Variants in MOB3B observed in about 807,000 individuals in gnomAD.
MOB3B encodes MOB kinase activator 3B.
A neutral mutation model predicts 18.7 loss-of-function variants in MOB3B; 7 were observed. The ratio of observed to expected loss-of-function variants is 0.37; its 90% CI spans 0.21 to 0.70. The LOEUF is 0.70. MOB3B is among the 30% of genes least tolerant of loss of function. The pLI is 0.52. For synonymous variants in MOB3B, 111 were observed against 99.9 expected (o/e 1.11, Z -0.66); for missense variants, 253 against 281.3 (o/e 0.90, Z 0.72).
At chr9:27,515,909 G>C (rs1358048347) in intron 1 of MOB3B, among the ~76,000 whole-genome samples, 8 of 152,184 alleles carry the variant, frequency 5.3e-5, no homozygotes. Context: ...AAAAGACTTT[G>C]CAAATGTAAT....
intron 2 of MOB3B, among the ~76,000 whole-genome samples, chr9:27,411,633 G>C (rs554018759): frequency 6.6e-6 from 1 of 152,144 alleles, no homozygotes. Flanking sequence ...TCACATGTGA[G>C]GAATGCCAAG....
intron 1 of MOB3B, among the ~76,000 whole-genome samples, chr9:27,523,009 A>G (rs940067044): frequency 6.6e-6 from 1 of 152,136 alleles, no homozygotes; most frequent in Non-Finnish European, 1.5e-5. Context: ...GGTGCAGTCA[A>G]CTGATTTAGA....
chr9:27,504,402 G>A (rs995171303), intron 1 of MOB3B, among the ~76,000 whole-genome samples: 1 of 152,190 alleles, frequency 6.6e-6, no homozygotes, highest in Admixed American at 6.5e-5. Flanking sequence ...AGATATTATA[G>A]TAGTAACTGA....
intron 2 of MOB3B, among the ~76,000 whole-genome samples, chr9:27,412,624 T>G (rs1822087671): frequency 1.3e-5 from 2 of 152,230 alleles, no homozygotes; most frequent in South Asian, 4.1e-4. Flanking sequence ...GCAAGTCTTC[T>G]GAATTTACAG....
intron 2 of MOB3B, among the ~76,000 whole-genome samples, chr9:27,383,990 A>T (rs1306272872): frequency 1.3e-5 from 2 of 152,240 alleles, no homozygotes; most frequent in African/African-American, 4.8e-5. Context: ...CCTGGTATAG[A>T]TAAGCATTAT....
intron 1 of MOB3B, among the ~76,000 whole-genome samples, chr9:27,528,256 T>A (rs1820467405): frequency 6.6e-6 from 1 of 152,206 alleles, no homozygotes; most frequent in Admixed American, 6.5e-5. Flanking sequence ...AATCTCAGCT[T>A]TCCGCCTACC....
chr9:27,399,729 C>T (rs978283858), intron 2 of MOB3B, among the ~76,000 whole-genome samples: 2 of 152,186 alleles, frequency 1.3e-5, no homozygotes, highest in African/African-American at 2.4e-5. Flanking sequence ...TTCCAAGCCT[C>T]AGACTCCTTT....
chr9:27,389,944 T>TA (rs555052646), intron 2 of MOB3B, among the ~76,000 whole-genome samples: 130 of 151,992 alleles, frequency 8.6e-4, no homozygotes, highest in African/African-American at 3.0e-3. Context: ...AAGCATCTGC[T>TA]AAAAAAATAA....
intron 2 of MOB3B, among the ~76,000 whole-genome samples, chr9:27,387,532 T>TTA (rs1383610262): frequency 6.6e-6 from 1 of 152,216 alleles, no homozygotes; most frequent in Non-Finnish European, 1.5e-5. Context: ...ATGTTAAAAA[T>TTA]ATTTAGACTA....
At chr9:27,485,529 T>C (rs1819718879) in intron 1 of MOB3B, among the ~76,000 whole-genome samples, 1 of 152,248 alleles carries the variant, frequency 6.6e-6, no homozygotes, top group Non-Finnish European at 1.5e-5. Context: ...GTCTCTGGAA[T>C]GTCTCCAATA....
chr9:27,457,581 G>T (rs1439155795), intron 1 of MOB3B, among the ~76,000 whole-genome samples: 2 of 151,950 alleles, frequency 1.3e-5, no homozygotes, highest in African/African-American at 4.8e-5. Flanking sequence ...TGGAATCCCC[G>T]CCCCACCCCC....
At chr9:27,473,257 C>T (rs770497992) in intron 1 of MOB3B, among the ~76,000 whole-genome samples, 10 of 152,198 alleles carry the variant, frequency 6.6e-5, no homozygotes, top group East Asian at 1.9e-4. Flanking sequence ...ATAAAGTACA[C>T]GTTTTTCTCA....
rs1453801299 is a variant in MOB3B at position 27,328,950 on chromosome 9, C to T, written c.*1637G>A. ...TGGTGAGGTAGCAGCAATTGGATTC[C>T]GTGAGATGACCTTTACGAGACACAA... On this transcript the variant is annotated 3_prime_UTR_variant, in exon 4 of 4. Transcript: ENST00000262244. 2.0e-5 allele frequency: 3 copies of T among 152,640 alleles called. No individual in the cohort carries two copies. Among genetic ancestry groups the T allele is most frequent in the Admixed American group, 6.5e-5 (1 of 15,286 alleles). 9.5% of individuals were successfully genotyped at this position (152,640 alleles called of 1,614,324 possible). A position where few individuals can be genotyped will look rare whatever the true frequency, so the allele number is the denominator to read the frequency against.
chr9:27,524,100 CA>C (rs1820385936), intron 1 of MOB3B, among the ~76,000 whole-genome samples: 1 of 117,316 alleles, frequency 8.5e-6, no homozygotes. Flanking sequence ...GCTCATTTTT[CA>C]GGGAAAAAAA....
intron 1 of MOB3B, among the ~76,000 whole-genome samples, chr9:27,470,972 T>C (rs536213581): frequency 1.3e-5 from 2 of 152,246 alleles, no homozygotes; most frequent in South Asian, 2.1e-4. Flanking sequence ...TAGAAGGTGG[T>C]GGCTGCTGAA....
intron 1 of MOB3B, among the ~76,000 whole-genome samples, chr9:27,457,691 G>GTT (rs34394960): frequency 6.7e-6 from 1 of 149,510 alleles, no homozygotes; most frequent in Non-Finnish European, 1.5e-5. Flanking sequence ...CGCAAGGTGG[G>GTT]TTTTTTTTTT....
chr9:27,508,542 C>T (rs1446043830), intron 1 of MOB3B, among the ~76,000 whole-genome samples: 1 of 152,016 alleles, frequency 6.6e-6, no homozygotes, highest in Non-Finnish European at 1.5e-5. Flanking sequence ...GAAATTAAAA[C>T]TAATTTTTTT....
intron 2 of MOB3B, among the ~76,000 whole-genome samples, chr9:27,364,939 A>C (rs1821321605): frequency 6.6e-6 from 1 of 152,170 alleles, no homozygotes. Flanking sequence ...TAAGCCCTGG[A>C]GTATAATCTA....
chr9:27,454,728 A>G (rs1822842783), intron 2 of MOB3B, among the ~76,000 whole-genome samples: 1 of 152,234 alleles, frequency 6.6e-6, no homozygotes, highest in South Asian at 2.1e-4. Context: ...CAAATCTATG[A>G]ATTCTCACAC....
Sources: allele counts gnomAD v4.1 joint callset (sites outside exome capture counted in the v4.1 genomes callset), GRCh38; gene constraint gnomAD v4.1.1; transcripts MANE v1.5; gene names NCBI Gene and HGNC (gene_info 2026-07-23, HGNC 2026-07-21).